Variants in CCDC88C observed in about 807,000 individuals in gnomAD.
The protein encoded by CCDC88C is protein Daple.
CCDC88C carries 131 observed loss-of-function variants against 198.8 expected under a neutral mutation model. The ratio of observed to expected loss-of-function variants is 0.66; its 90% confidence interval spans 0.57 to 0.76. The LOEUF is 0.76. CCDC88C is among the 30% of genes least tolerant of loss of function. The pLI, the probability that CCDC88C is intolerant of heterozygous loss-of-function variation, is 0.00. For synonymous variants in CCDC88C, 1,166 were observed against 1,114.7 expected (o/e 1.05, Z -0.92); for missense variants, 2,553 against 2,631.6 (o/e 0.97, Z 0.65).
At chr14:91,333,380 C>G (rs1283656934) in intron 10 of CCDC88C, among the ~76,000 whole-genome samples, 1 of 152,128 alleles carries the variant, frequency 6.6e-6, no homozygotes, top group Admixed American at 6.6e-5. Flanking sequence ...AAATTTATGT[C>G]CAAAGAAAGG....
At chr14:91,370,683 C>T (rs1454546154) in intron 3 of CCDC88C, among the ~76,000 whole-genome samples, 4 of 152,224 alleles carry the variant, frequency 2.6e-5, no homozygotes, top group Non-Finnish European at 1.5e-5. Context: ...TTAGGAACGA[C>T]CTGCTGCAGT....
chr14:91,392,560 C>T (rs1885568272), intron 3 of CCDC88C, among the ~76,000 whole-genome samples: 2 of 152,206 alleles, frequency 1.3e-5, no homozygotes, highest in Admixed American at 1.3e-4. Flanking sequence ...CAATTTACCT[C>T]ATCTTTTAAA....
chr14:91,406,054 T>C (rs1439428144), intron 3 of CCDC88C, among the ~76,000 whole-genome samples: 1 of 152,212 alleles, frequency 6.6e-6, no homozygotes, highest in Non-Finnish European at 1.5e-5. Context: ...GAAGTCCTTC[T>C]GGACCCTGAG....
In CCDC88C at chr14:91,338,358, C is replaced by A. The variant is rs7156325; in HGVS notation, c.891+131G>T. 2 of 976,980 alleles carry A rather than the reference C, an allele frequency of 2.0e-6. No homozygotes were observed. Among genetic ancestry groups the A allele is most frequent in the South Asian group, 1.5e-5 (1 of 65,796 alleles). 60.5% of individuals were successfully genotyped at this position (976,980 alleles called of 1,614,324 possible). A position where few individuals can be genotyped will look rare whatever the true frequency, so the allele number is the denominator to read the frequency against. On this transcript the variant is annotated intron_variant, in intron 9 of 29. Coordinates refer to ENST00000389857, the MANE Select transcript of CCDC88C (RefSeq NM_001080414.4). This position sits in a 1 kb window ranked among gnomAD's most constrained non-coding sequence, Gnocchi z 4.8. ...CTAAGAAACAGGGTCATCCCCATAG[C>A]CGTGCTCAGGACAAGTGGCTCTTGT...
intron 27 of CCDC88C, among the ~76,000 whole-genome samples, chr14:91,280,839 G>A (rs539692973): frequency 6.6e-6 from 1 of 152,312 alleles, no homozygotes; most frequent in Non-Finnish European, 1.5e-5. Context: ...ACCGTGGATA[G>A]GGGTAGGAGG....
chr14:91,360,363 G>T (rs1240053887), intron 3 of CCDC88C, among the ~76,000 whole-genome samples: 1 of 151,888 alleles, frequency 6.6e-6, no homozygotes, highest in Admixed American at 6.6e-5. Context: ...TGGAACAATC[G>T]CTTGAACCTG....
rs779002989 is a variant in CCDC88C, at chr14:91,281,438, C to T, written c.4699+19G>A. 5 of 1,613,762 alleles carry T rather than the reference C, an allele frequency of 3.1e-6. No individual in the cohort carries two copies. In the South Asian group the frequency reaches 4.4e-5, roughly 14 times the overall value. On this transcript the variant is annotated intron_variant, in intron 27 of 29. Transcript: ENST00000389857. Reference sequence around the variant, plus strand: ...GTCTGGAAACCCAGGCTGGAGGACACAGCACCCTCCCTACTCACCGTACTG... The same window carrying T: ...GTCTGGAAACCCAGGCTGGAGGACATAGCACCCTCCCTACTCACCGTACTG...
Position 91,273,256 on chromosome 14 carries a change from TCTGGCCCG to T in CCDC88C, c.5448_5455del (p.Ser1816ArgfsTer15). On this transcript the variant is annotated frameshift_variant, in exon 30 of 30. Transcript: ENST00000389857. LOFTEE classifies it low-confidence loss of function (END_TRUNC). This position sits in a 1 kb window ranked among gnomAD's most constrained non-coding sequence, Gnocchi z 5.6. ...CTGAGGGGACTCCTGTTTGCAGGCC[TCTGGCCCG>T]CTGGCCCGGAGAAGGTCAGCTGAGG... The T allele has an allele frequency of 6.4e-7, 1 of 1,558,986 alleles. No individual in the cohort carries two copies. The highest frequency in any genetic ancestry group is 2.4e-5 in the East Asian group (1 of 41,750).
intron 3 of CCDC88C, among the ~76,000 whole-genome samples, chr14:91,374,708 T>C (rs911171666): frequency 6.6e-6 from 1 of 152,202 alleles, no homozygotes; most frequent in Non-Finnish European, 1.5e-5. Context: ...TCTGGCAGCA[T>C]CTGCAGTGGT....
At chr14:91,364,168 C>T (rs562661646) in intron 3 of CCDC88C, among the ~76,000 whole-genome samples, 17 of 152,324 alleles carry the variant, frequency 1.1e-4, no homozygotes, top group Admixed American at 9.1e-4. Flanking sequence ...GTCTTGTCAC[C>T]GGTCCTTGTG....
intron 10 of CCDC88C, among the ~76,000 whole-genome samples, chr14:91,331,488 G>A (rs1418395510): frequency 6.6e-6 from 1 of 152,226 alleles, no homozygotes; most frequent in African/African-American, 2.4e-5. Flanking sequence ...CCCCGTTCCT[G>A]GTCACCATGG....
At chr14:91,392,110 C>T (rs1567118011) in intron 3 of CCDC88C, among the ~76,000 whole-genome samples, 1 of 152,060 alleles carries the variant, frequency 6.6e-6, no homozygotes, top group Admixed American at 6.5e-5. Flanking sequence ...GGTAGCAGCT[C>T]CCATGGCCAC....
chr14:91,374,311 G>A (rs976687840), intron 3 of CCDC88C, among the ~76,000 whole-genome samples: 3 of 152,212 alleles, frequency 2.0e-5, no homozygotes, highest in Non-Finnish European at 4.4e-5. Context: ...GCAGTAGCAG[G>A]GTTAAGTCCA....
rs144768889 is a variant in CCDC88C at position 91,351,419 on chromosome 14, C to T, written c.341-7762G>A. On this transcript the variant is annotated intron_variant, in intron 4 of 29. Coordinates refer to ENST00000389857, the MANE Select transcript of CCDC88C (RefSeq NM_001080414.4). ...GCCCTCCTGAGGGCTCAGCTTACAA[C>T]GAGAAGAGCTGTTTATTATTATTTT... is the stretch of plus-strand genomic sequence containing the variant. 2.3e-3 allele frequency among the ~76,000 whole-genome samples: 350 copies of T among 152,238 alleles called. 3 individuals are homozygous for T. Among genetic ancestry groups the T allele is most frequent in the Non-Finnish European group, 3.6e-3 (247 of 68,016 alleles).
At chr14:91,289,573 T>C (rs1890573768) in intron 24 of CCDC88C, among the ~76,000 whole-genome samples, 1 of 152,200 alleles carries the variant, frequency 6.6e-6, no homozygotes, top group African/African-American at 2.4e-5. Context: ...GCCATGTGCA[T>C]TGTGACAGAA....
chr14:91,328,170 C>T (rs775307255), intron 10 of CCDC88C, among the ~76,000 whole-genome samples: 19 of 152,170 alleles, frequency 1.2e-4, no homozygotes, highest in Non-Finnish European at 2.6e-4. Flanking sequence ...AGAGACTTCC[C>T]GGAATGAATG....
At chr14:91,285,328 G>A (rs1263540359) in intron 25 of CCDC88C, 3 of 411,530 alleles carry the variant, frequency 7.3e-6, no homozygotes, top group African/African-American at 2.1e-5. Flanking sequence ...AGTGCTGCTT[G>A]ACACACGGGC....
intron 13 of CCDC88C, among the ~76,000 whole-genome samples, chr14:91,316,263 G>T (rs140950550): frequency 1.3e-5 from 2 of 152,254 alleles, no homozygotes; most frequent in African/African-American, 2.4e-5. Context: ...GCCACATTTT[G>T]TCTGGCCTGG....
chr14:91,283,409 G>A lies in CCDC88C; in HGVS notation c.4550C>T (p.Ser1517Phe), dbSNP rs775868329. 1.1e-5 allele frequency: 17 copies of A among 1,613,688 alleles called. No homozygotes were observed. The East Asian group carries it at 1.1e-4, about 11-fold the overall frequency. Reference sequence around the variant, plus strand: ...GGTGGCTGAAGTTGAGCAAGTCCGGGAGCCCAGCTCCGAGGGCCAGGACCT... The same window carrying A: ...GGTGGCTGAAGTTGAGCAAGTCCGGAAGCCCAGCTCCGAGGGCCAGGACCT... ...AMRSWPSELG[S>F]RTCSTSATTT... The change falls in exon 26 of 30, where the codon TCC becomes TTC. Residue 1517 changes from serine (S) to phenylalanine (F), a missense_variant. Physicochemically the swap from Ser to Phe is radical, Grantham distance 155 (BLOSUM62 -2). Coordinates refer to ENST00000389857, the MANE Select transcript of CCDC88C (RefSeq NM_001080414.4).
Sources: allele counts gnomAD v4.1 joint callset (sites outside exome capture counted in the v4.1 genomes callset), GRCh38; gene constraint gnomAD v4.1.1; non-coding constraint Gnocchi (gnomAD v3.1); transcripts MANE v1.5; gene names NCBI Gene and HGNC (gene_info 2026-07-23, HGNC 2026-07-21).